Variants in CTBP2 observed in about 807,000 individuals in gnomAD.
The protein encoded by CTBP2 is C-terminal binding protein 2, also known as C-terminal-binding protein 2.
CTBP2 carries 30 observed loss-of-function variants against 80.3 expected under a neutral mutation model. The ratio of observed to expected loss-of-function variants is 0.37; its 90% CI spans 0.28 to 0.51. CTBP2 has a LOEUF of 0.51. Among genes scored for constraint, CTBP2 ranks in the 20% least tolerant of loss-of-function variants. The pLI is 0.93. For synonymous variants in CTBP2, 594 were observed against 587.4 expected (o/e 1.01, Z -0.16); for missense variants, 1,212 against 1,375.3 (o/e 0.88, Z 1.88).
At chr10:125,149,664 AAGAAG>A (rs530437018) in intron 1 of CTBP2, among the ~76,000 whole-genome samples, 5 of 152,236 alleles carry the variant, frequency 3.3e-5, no homozygotes, top group Non-Finnish European at 5.9e-5. Context: ...TGTTCACAAA[AAGAAG>A]AGAAGGGTTG....
intron 2 of CTBP2, among the ~76,000 whole-genome samples, chr10:125,047,611 G>A (rs1961590001): frequency 1.3e-5 from 2 of 152,238 alleles, no homozygotes; most frequent in South Asian, 2.1e-4. Flanking sequence ...TTCTTGGAGA[G>A]AAATATCTGG....
upstream of CTBP2, among the ~76,000 whole-genome samples, chr10:125,029,650 C>A (rs1199692173): frequency 3.3e-5 from 5 of 152,184 alleles, no homozygotes; most frequent in Non-Finnish European, 7.4e-5. Flanking sequence ...TACTATGCTA[C>A]CCCACTCATG....
At chr10:125,041,975 TG>T (rs1048680919) in intron 2 of CTBP2, among the ~76,000 whole-genome samples, 12 of 72,334 alleles carry the variant, frequency 1.7e-4, no homozygotes, top group African/African-American at 6.2e-4. Flanking sequence ...TTTTTGGGGG[TG>T]GGGGTGGGGG....
chr10:125,120,932 C>G (rs915107352), intron 1 of CTBP2, among the ~76,000 whole-genome samples: 1 of 152,244 alleles, frequency 6.6e-6, no homozygotes, highest in South Asian at 2.1e-4. Context: ...ATATCGGTTC[C>G]TTGACCCTGA....
intron 2 of CTBP2, among the ~76,000 whole-genome samples, chr10:125,049,044 CAG>C (rs1226175819): frequency 9.0e-4 from 62 of 68,862 alleles, no homozygotes; most frequent in African/African-American, 3.3e-3. Flanking sequence ...CGCCTGACCA[CAG>C]ACACACACAC....
intron 2 of CTBP2, among the ~76,000 whole-genome samples, chr10:125,085,266 TTA>T (rs549105388): frequency 2.0e-5 from 3 of 152,160 alleles, no homozygotes. Flanking sequence ...AACAGCATAA[TTA>T]TATGAGAGAA....
intron 1 of CTBP2, 152 bp downstream of exon 1, chr10:125,160,167 C>G (rs1486056830): frequency 6.6e-6 from 1 of 150,580 alleles, no homozygotes; most frequent in Non-Finnish European, 1.5e-5. Context: ...AAGATGTCCT[C>G]GGATGCCGGC....
intron 1 of CTBP2, among the ~76,000 whole-genome samples, chr10:125,150,153 G>A (rs1278089194): frequency 6.6e-6 from 1 of 152,228 alleles, no homozygotes; most frequent in African/African-American, 2.4e-5. Context: ...GGCTCCAGTT[G>A]AATGCCAGAG....
chr10:125,125,915 C>T (rs1564981066), intron 1 of CTBP2, among the ~76,000 whole-genome samples: 2 of 152,232 alleles, frequency 1.3e-5, no homozygotes, highest in East Asian at 1.9e-4. Flanking sequence ...CCCCAACCAA[C>T]GTTTGTTCAA....
chr10:124,992,644 C>A (rs768609784), intron 8 of CTBP2, 51 bp downstream of exon 10: 1 of 1,390,326 alleles, frequency 7.2e-7, no homozygotes, highest in Admixed American at 2.2e-5. Flanking sequence ...TCTCCCTGGC[C>A]CCGGGGCCGT....
At chr10:125,018,319 G>T (rs2134522342) in intron 1 of CTBP2, among the ~76,000 whole-genome samples, 1 of 152,296 alleles carries the variant, frequency 6.6e-6, no homozygotes, top group East Asian at 1.9e-4. Flanking sequence ...GAGGTCAGGA[G>T]TTTGAGACCA....
intron 8 of CTBP2, among the ~76,000 whole-genome samples, chr10:124,991,721 C>A (rs575087221): frequency 1.2e-4 from 18 of 152,220 alleles, no homozygotes; most frequent in East Asian, 3.9e-4. Context: ...ACAGGACAGG[C>A]CAGGCCTCCT....
intron 2 of CTBP2, among the ~76,000 whole-genome samples, chr10:125,059,151 G>A (rs1030756049): frequency 1.3e-5 from 2 of 152,138 alleles, no homozygotes; most frequent in Non-Finnish European, 2.9e-5. Context: ...GGGGGTGGGA[G>A]GCGTGTTTAA....
chr10:125,162,304 C>T (rs777146056), upstream of CTBP2: 1 of 152,294 alleles, frequency 6.6e-6, no homozygotes, highest in Admixed American at 6.5e-5. Context: ...GTGCCCCGCG[C>T]CCTGCAGAGC....
At chr10:125,098,635 CAG>C (rs1434657665) in intron 2 of CTBP2, among the ~76,000 whole-genome samples, 1 of 88,850 alleles carries the variant, frequency 1.1e-5, no homozygotes, top group Non-Finnish European at 2.3e-5. Context: ...TGCGGGTGAA[CAG>C]AGAGAGAAAT....
At position 125,150,257 on chromosome 10, in the gene CTBP2, G is replaced by A. The variant is rs539898185; in HGVS notation, c.-206+10062C>T. Among the ~76,000 whole-genome samples, 5 of 152,286 alleles carry A rather than the reference G, an allele frequency of 3.3e-5. No homozygotes were observed. The East Asian group carries it at 7.7e-4, about 24-fold the overall frequency. On this transcript the variant is annotated intron_variant, in intron 1 of 10. Transcript: ENST00000337195. Reference sequence around the variant, plus strand: ...GGGCAACTGAGATCACACTATCCCAGACCACAAACATGGTCTTACCTATTG... The same window carrying A: ...GGGCAACTGAGATCACACTATCCCAAACCACAAACATGGTCTTACCTATTG...
intron 2 of CTBP2, among the ~76,000 whole-genome samples, chr10:125,088,760 C>T (rs11245497): frequency 0.21 from 31,578 of 152,076 alleles, 3,489 homozygotes; most frequent in South Asian, 0.3. Flanking sequence ...AAAAAGAGGG[C>T]GAAGATCACA....
At position 125,028,009 on chromosome 10, in the gene CTBP2, G is replaced by A; in HGVS notation, c.-250C>T. On this transcript the variant is annotated 5_prime_UTR_variant, in exon 1 of 9. Transcript: ENST00000309035. The stretch of plus-strand genomic sequence containing the variant: ...TAGCCAGAGAGGTCTGTTCCTTACA[G>A]CTCAGTCCCGGAGAGGAGGCTGTCC... 1 of 1,091,136 alleles carries A rather than the reference G, an allele frequency of 9.2e-7. No individual in the cohort carries two copies. Among genetic ancestry groups the A allele is most frequent in the Non-Finnish European group, 1.2e-6 (1 of 837,458 alleles). The allele number at this position is 1,091,136 out of a possible 1,614,324, so 67.6% of individuals were successfully genotyped here.
intron 2 of CTBP2, among the ~76,000 whole-genome samples, chr10:125,040,134 G>T (rs1278902806): frequency 6.6e-6 from 1 of 152,126 alleles, no homozygotes; most frequent in Non-Finnish European, 1.5e-5. Context: ...CTCTGGAACT[G>T]CATTCTTTAC....
Sources: gnomAD v4.1 joint callset for allele counts (sites outside exome capture counted in the v4.1 genomes callset) on GRCh38, gnomAD v4.1.1 for gene constraint, MANE v1.5 for transcripts, NCBI Gene and HGNC (gene_info 2026-07-23, HGNC 2026-07-21) for gene names.